RASA3: variants seen among roughly 807,000 people sequenced by gnomAD.
The protein encoded by RASA3 is ras GTPase-activating protein 3.
A neutral mutation model predicts 110.0 loss-of-function variants in RASA3; 73 were observed. The ratio of observed to expected loss-of-function variants is 0.66; its 90% CI spans 0.55 to 0.81. The LOEUF (loss-of-function observed/expected upper bound fraction) is 0.81, where lower values mean the gene tolerates loss of function less well. RASA3 is among the 30% of genes least tolerant of loss of function. The pLI is 0.00. For missense variants in RASA3, 976 were observed against 1,113.2 expected (o/e 0.88, Z 1.75); for synonymous variants, 500 against 451.4 (o/e 1.11, Z -1.37).
At chr13:114,099,520 A>G (rs1188766473) in intron 1 of RASA3, among the ~76,000 whole-genome samples, 2 of 151,578 alleles carry the variant, frequency 1.3e-5, no homozygotes, top group African/African-American at 4.9e-5. Context: ...GTGTTCACAC[A>G]GCGCGTCTCC....
chr13:114,073,890 T>C (rs1446655211), intron 1 of RASA3, 53 bp from the exon 2 acceptor site: 2 of 1,424,714 alleles, frequency 1.4e-6, no homozygotes, highest in African/African-American at 2.8e-5. Context: ...GTTTGTTCCC[T>C]GCTACATCGC....
chr13:114,079,650 C>A (rs2139689572), intron 1 of RASA3, among the ~76,000 whole-genome samples: 1 of 152,354 alleles, frequency 6.6e-6, no homozygotes, highest in South Asian at 2.1e-4. Flanking sequence ...ACAGGTCCTC[C>A]TCCAGGCCCT....
At position 114,057,994 on chromosome 13, in the gene RASA3, G is replaced by T. The variant is rs577629504; in HGVS notation, c.174-5839C>A. Among the ~76,000 whole-genome samples, 1 of 152,250 alleles carries T rather than the reference G, an allele frequency of 6.6e-6. No homozygotes were observed. Among genetic ancestry groups the T allele is most frequent in the East Asian group, 1.9e-4 (1 of 5,182 alleles). ...GGTCGGAGTCCCGGAGGTGGGTGGG[G>T]GTGGTGAGTTCCCAGGTCACTTCCC... On this transcript the variant is annotated intron_variant, in intron 2 of 23. Coordinates refer to ENST00000334062, the MANE Select transcript of RASA3 (RefSeq NM_007368.4). This position sits in a 1 kb window ranked among gnomAD's most constrained non-coding sequence, Gnocchi z 5.0.
intron 1 of RASA3, chr13:114,108,515 C>T (rs2139757470): frequency 6.7e-6 from 1 of 149,860 alleles, no homozygotes. Context: ...ATCCATCACC[C>T]CATGTCCATC....
intron 1 of RASA3, among the ~76,000 whole-genome samples, chr13:114,097,669 G>A (rs965183995): frequency 2.0e-5 from 3 of 152,218 alleles, no homozygotes; most frequent in East Asian, 1.9e-4. Flanking sequence ...CCTTCTCCTC[G>A]TCCCAGTCCA....
chr13:114,012,256 T>C (rs61973861), intron 15 of RASA3, among the ~76,000 whole-genome samples: 20,614 of 151,846 alleles, frequency 0.14, 1,770 homozygotes, highest in Middle Eastern at 0.21. Flanking sequence ...ACAGCTTAAA[T>C]AGGTCGGTGA....
chr13:113,979,303 T>C lies in RASA3; in HGVS notation c.*44A>G, dbSNP rs758193430. On this transcript the variant is annotated 3_prime_UTR_variant, in exon 24 of 24. Coordinates refer to ENST00000334062, the MANE Select transcript of RASA3 (RefSeq NM_007368.4). ...TTCTCCCTCCCAAAGGCTGCGGCTT[T>C]GCATGGGCAGCTTGCTGGCGCCACT... 7 of 1,510,736 alleles carry C rather than the reference T, an allele frequency of 4.6e-6. No homozygotes were observed. In the Admixed American group the frequency reaches 1.0e-4, roughly 22 times the overall value. 93.6% of individuals were successfully genotyped at this position (1,510,736 alleles called of 1,614,324 possible). A position where few individuals can be genotyped will look rare whatever the true frequency, so the allele number is the denominator to read the frequency against.
rs1261277176 is a variant in RASA3, at chr13:114,112,321, CG to C, written c.55+20113del. On this transcript the variant is annotated intron_variant, in intron 1 of 23. Transcript: ENST00000334062. The surrounding 1 kb of genome is among the most constrained non-coding windows in gnomAD (Gnocchi z 4.8). Reference sequence around the variant, plus strand: ...AGTCTTCTAGGGGGCCTGGGGCAGCCGGAACCTGGCCGGGTGGAGGATTTCT... The same window carrying C: ...AGTCTTCTAGGGGGCCTGGGGCAGCCGAACCTGGCCGGGTGGAGGATTTCT... Among the ~76,000 whole-genome samples the C allele has an allele frequency of 3.3e-5, 5 of 152,192 alleles. No individual in the cohort carries two copies. Among genetic ancestry groups the C allele is most frequent in the Admixed American group, 3.3e-4 (5 of 15,272 alleles).
chr13:114,040,408 A>G (rs372816536), intron 4 of RASA3, among the ~76,000 whole-genome samples: 1 of 7,630 alleles, frequency 1.3e-4, no homozygotes, highest in African/African-American at 7.6e-4. Context: ...CCCAAAATCC[A>G]TGGCAGAGAC....
chr13:114,107,138 G>A (rs558067687), intron 1 of RASA3, among the ~76,000 whole-genome samples: 53 of 151,312 alleles, frequency 3.5e-4, no homozygotes, highest in Middle Eastern at 3.4e-3. Flanking sequence ...CAGCGTTCAG[G>A]CTCCAGCCTT....
At position 114,011,938 on chromosome 13, in the gene RASA3, G is replaced by C. The variant is rs1477950326; in HGVS notation, c.1513-690C>G. Among the ~76,000 whole-genome samples, 1 of 151,866 alleles carries C rather than the reference G, an allele frequency of 6.6e-6. No individual in the cohort carries two copies. ...TCTGTCTCAAAAAAAAAGAAGTGCT[G>C]GGGAATGGGCAATCCCTCACGTCCT... is the stretch of plus-strand genomic sequence containing the variant. On this transcript the variant is annotated intron_variant, in intron 15 of 23. Transcript: ENST00000334062. This position sits in a 1 kb window ranked among gnomAD's most constrained non-coding sequence, Gnocchi z 4.8.
intron 4 of RASA3, among the ~76,000 whole-genome samples, chr13:114,030,502 G>GGCAAGACTCACACAGAGA (rs1329906455): frequency 6.1e-5 from 6 of 99,094 alleles, no homozygotes; most frequent in African/African-American, 2.5e-4. Context: ...TCACACAGAG[G>GGCAAGACTCACACAGAGA]GCAAGACTCA....
At chr13:114,016,320 A>C in intron 12 of RASA3, 49 bp from the exon 13 acceptor site, 1 of 1,393,258 alleles carries the variant, frequency 7.2e-7, no homozygotes, top group Non-Finnish European at 1.0e-6. Flanking sequence ...CTGGGGGCAC[A>C]GGCAGGGAGG....
intron 3 of RASA3, among the ~76,000 whole-genome samples, 191 bp downstream of exon 3, chr13:114,051,861 G>C (rs1156324479): frequency 1.3e-5 from 2 of 152,236 alleles, no homozygotes; most frequent in African/African-American, 4.8e-5. Flanking sequence ...CTGGTGTGAT[G>C]CTCTAGCAGG....
chr13:114,017,729 G>A (rs1448331327), intron 11 of RASA3, among the ~76,000 whole-genome samples: 2 of 152,224 alleles, frequency 1.3e-5, no homozygotes, highest in South Asian at 2.1e-4. Flanking sequence ...TACAGTGGCT[G>A]CAGGTGCAGC....
chr13:114,018,999 G>T, intron 9 of RASA3, 80 bp from the exon 10 acceptor site: 2 of 1,547,178 alleles, frequency 1.3e-6, no homozygotes, highest in Non-Finnish European at 1.8e-6. Context: ...CCAGCTGCCT[G>T]CTTGAGGTCG....
intron 1 of RASA3, among the ~76,000 whole-genome samples, chr13:114,080,493 G>A (rs968769337): frequency 2.0e-5 from 3 of 152,178 alleles, no homozygotes; most frequent in African/African-American, 7.2e-5. Context: ...GGCACGGGAG[G>A]TTCTGCTGAG....
intron 1 of RASA3, among the ~76,000 whole-genome samples, chr13:114,094,024 C>A (rs1206664827): frequency 1.3e-5 from 2 of 152,138 alleles, no homozygotes; most frequent in Non-Finnish European, 2.9e-5. Flanking sequence ...AGAGATCACA[C>A]ATCTCCATCA....
At chr13:114,020,873 C>A (rs549437371) in intron 9 of RASA3, among the ~76,000 whole-genome samples, 1 of 152,188 alleles carries the variant, frequency 6.6e-6, no homozygotes, top group Non-Finnish European at 1.5e-5. Flanking sequence ...AGCGCAGCCG[C>A]GGCGCAGCCC....
Sources: allele counts gnomAD v4.1 joint callset (sites outside exome capture counted in the v4.1 genomes callset), GRCh38; gene constraint gnomAD v4.1.1; non-coding constraint Gnocchi (gnomAD v3.1); transcripts MANE v1.5; gene names NCBI Gene and HGNC (gene_info 2026-07-23, HGNC 2026-07-21).